Variants in KIAA1217 observed in about 807,000 individuals in gnomAD.
The protein encoded by KIAA1217 is KIAA1217.
In KIAA1217, 88 loss-of-function variants were observed where a neutral mutation model predicts 163.9. The ratio of observed to expected loss-of-function variants is 0.54; its 90% CI spans 0.45 to 0.64. KIAA1217 has a LOEUF of 0.64. Ranked by LOEUF, KIAA1217 falls within the 30% of genes least tolerant of loss-of-function variation. The pLI, the probability that KIAA1217 is intolerant of heterozygous loss-of-function variation, is 0.00. For missense variants in KIAA1217, 2,372 were observed against 2,475.0 expected (o/e 0.96, Z 0.88); for synonymous variants, 903 against 923.1 (o/e 0.98, Z 0.39).
At chr10:24,336,579 A>G (rs1216693177) in intron 2 of KIAA1217, among the ~76,000 whole-genome samples, 2 of 152,160 alleles carry the variant, frequency 1.3e-5, no homozygotes, top group Non-Finnish European at 2.9e-5. Flanking sequence ...CATTCTGTTC[A>G]GCATTGTGTC....
At chr10:23,723,147 A>G (rs1252622391) in intron 1 of KIAA1217, among the ~76,000 whole-genome samples, 2 of 152,178 alleles carry the variant, frequency 1.3e-5, no homozygotes, top group Non-Finnish European at 2.9e-5. Flanking sequence ...TGAGAAGCTC[A>G]TGGCCGTGAC....
intron 3 of KIAA1217, among the ~76,000 whole-genome samples, chr10:24,408,456 C>T (rs992843724): frequency 1.3e-5 from 2 of 152,170 alleles, no homozygotes. Flanking sequence ...CACAGGGCAA[C>T]CCAAGTAGTT....
chr10:23,711,195 C>T (rs2130735425), intron 1 of KIAA1217, among the ~76,000 whole-genome samples: 1 of 152,226 alleles, frequency 6.6e-6, no homozygotes, highest in East Asian at 1.9e-4. Flanking sequence ...GAATGATGTT[C>T]CCTTAACCCC....
At chr10:23,975,364 A>G (rs1845497162) in intron 1 of KIAA1217, among the ~76,000 whole-genome samples, 1 of 152,216 alleles carries the variant, frequency 6.6e-6, no homozygotes. Flanking sequence ...ATAAAAAGCT[A>G]GTATCTGAAA....
chr10:24,159,491 T>C (rs2065020239), intron 2 of KIAA1217, among the ~76,000 whole-genome samples: 1 of 152,056 alleles, frequency 6.6e-6, no homozygotes, highest in Non-Finnish European at 1.5e-5. Flanking sequence ...GTTTTAACAG[T>C]TTTGAAGGCT....
chr10:24,438,858 G>A (rs936903624), intron 5 of KIAA1217, among the ~76,000 whole-genome samples: 4 of 152,170 alleles, frequency 2.6e-5, no homozygotes, highest in Admixed American at 2.6e-4. Flanking sequence ...ACAGCAAGGT[G>A]CACAATTGCA....
intron 2 of KIAA1217, among the ~76,000 whole-genome samples, chr10:24,052,656 A>G (rs1849597773): frequency 2.0e-5 from 3 of 152,132 alleles, no homozygotes; most frequent in Non-Finnish European, 4.4e-5. Context: ...CTATTATATT[A>G]CATTCATTTA....
chr10:23,705,544 A>G (rs751803677), intron 1 of KIAA1217, among the ~76,000 whole-genome samples: 2 of 152,138 alleles, frequency 1.3e-5, no homozygotes, highest in Non-Finnish European at 2.9e-5. Context: ...AAATCAATTG[A>G]CCATAAATGT....
At chr10:24,462,512 C>A (rs971445335) in intron 5 of KIAA1217, among the ~76,000 whole-genome samples, 1 of 152,166 alleles carries the variant, frequency 6.6e-6, no homozygotes, top group Non-Finnish European at 1.5e-5. Context: ...ACGCAAACAA[C>A]CGAGGAAGCT....
At chr10:24,357,641 T>C (rs2049284537) in intron 2 of KIAA1217, among the ~76,000 whole-genome samples, 1 of 152,126 alleles carries the variant, frequency 6.6e-6, no homozygotes, top group Admixed American at 6.5e-5. Flanking sequence ...CTTTTTTTCT[T>C]GGGGGGTTCT....
intron 3 of KIAA1217, among the ~76,000 whole-genome samples, chr10:24,393,326 G>C (rs1435979433): frequency 6.6e-6 from 1 of 152,200 alleles, no homozygotes; most frequent in Non-Finnish European, 1.5e-5. Context: ...TGGTCTACTG[G>C]CATCCAGATT....
chr10:23,975,513 G>A (rs147948686), intron 1 of KIAA1217, among the ~76,000 whole-genome samples: 218 of 152,288 alleles, frequency 1.4e-3, no homozygotes, highest in Non-Finnish European at 2.4e-3. Context: ...TGATTAAAAT[G>A]CACAGGCCAA....
chr10:23,783,273 C>T (rs1835340513), intron 1 of KIAA1217, among the ~76,000 whole-genome samples: 1 of 152,132 alleles, frequency 6.6e-6, no homozygotes, highest in Non-Finnish European at 1.5e-5. Context: ...GCTATCCTGG[C>T]CTGCATGTGG....
chr10:24,495,636 T>C (rs2066692474), intron 8 of KIAA1217, among the ~76,000 whole-genome samples: 1 of 152,122 alleles, frequency 6.6e-6, no homozygotes, highest in Non-Finnish European at 1.5e-5. Context: ...GAAGAGGACT[T>C]AGGGGGAAGA....
At chr10:24,394,904 C>T (rs1183304483) in intron 3 of KIAA1217, among the ~76,000 whole-genome samples, 1 of 152,228 alleles carries the variant, frequency 6.6e-6, no homozygotes, top group African/African-American at 2.4e-5. Context: ...CAGTGATTCT[C>T]AGACTTTAGC....
intron 2 of KIAA1217, among the ~76,000 whole-genome samples, chr10:24,182,726 C>A (rs1337520131): frequency 6.6e-6 from 1 of 152,080 alleles, no homozygotes; most frequent in Non-Finnish European, 1.5e-5. Flanking sequence ...TATGAGAGAA[C>A]TCCCATGAAG....
At chr10:24,136,032 C>T (rs375588745) in intron 2 of KIAA1217, among the ~76,000 whole-genome samples, 13 of 152,112 alleles carry the variant, frequency 8.5e-5, no homozygotes, top group African/African-American at 3.1e-4. Flanking sequence ...AATTACTCTT[C>T]CCAGAGAAGT....
intron 2 of KIAA1217, among the ~76,000 whole-genome samples, chr10:24,325,025 A>C (rs2044684606): frequency 6.6e-6 from 1 of 152,182 alleles, no homozygotes; most frequent in East Asian, 1.9e-4. Flanking sequence ...TGACTCTCAA[A>C]GTGCCGGTCA....
At chr10:24,502,243 T>A (rs867275224) in intron 9 of KIAA1217, among the ~76,000 whole-genome samples, 4 of 122,912 alleles carry the variant, frequency 3.3e-5, no homozygotes, top group Admixed American at 7.3e-5. Context: ...AGCCAAGCTT[T>A]TTTTTTTTTT....
Sources: allele counts gnomAD v4.1 joint callset (sites outside exome capture counted in the v4.1 genomes callset), GRCh38; gene constraint gnomAD v4.1.1; transcripts MANE v1.5; gene names NCBI Gene and HGNC (gene_info 2026-07-23, HGNC 2026-07-21).